Variants in TBC1D22B observed in about 807,000 individuals in gnomAD.
TBC1D22B encodes the protein chromosome 6 open reading frame 197.
TBC1D22B carries 32 observed loss-of-function variants against 69.1 expected under a neutral mutation model. The ratio of observed to expected loss-of-function variants is 0.46; its 90% CI spans 0.35 to 0.62. The LOEUF (loss-of-function observed/expected upper bound fraction) is 0.62. Among genes scored for constraint, TBC1D22B ranks in the 20% least tolerant of loss-of-function variants. The probability of loss-of-function intolerance (pLI) is 0.00; values close to 1 mark genes in which losing one functional copy is unlikely to be tolerated. For synonymous variants in TBC1D22B, 206 were observed against 229.8 expected (o/e 0.90, Z 0.94); for missense variants, 462 against 630.9 (o/e 0.73, Z 2.87).
intron 8 of TBC1D22B, among the ~76,000 whole-genome samples, chr6:37,312,247 A>T (rs926995105): frequency 6.6e-6 from 1 of 152,214 alleles, no homozygotes; most frequent in East Asian, 1.9e-4. Context: ...ATCTAATGCA[A>T]CATTTCTCAA....
rs568601969 is a variant in TBC1D22B at position 37,288,026 on chromosome 6, A to G, written c.867+954A>G. Among the ~76,000 whole-genome samples, 102 of 152,342 alleles carry G rather than the reference A, an allele frequency of 6.7e-4. 2 individuals carry two copies. The highest frequency in any genetic ancestry group is 5.6e-3 in the Admixed American group (85 of 15,304). On this transcript the variant is annotated intron_variant, in intron 7 of 12. Transcript: ENST00000373491. Reference sequence around the variant, plus strand: ...GATTAGGGATTTCCTTTGCAACTTTACAGTAGCCAGGACACTAAGTACTAG... The same window carrying G: ...GATTAGGGATTTCCTTTGCAACTTTGCAGTAGCCAGGACACTAAGTACTAG...
chr6:37,275,065 T>A (rs990977349), intron 2 of TBC1D22B, among the ~76,000 whole-genome samples: 2 of 148,980 alleles, frequency 1.3e-5, no homozygotes, highest in African/African-American at 2.5e-5. Context: ...ATAATAATAA[T>A]AAATAATCTT....
At chr6:37,269,050 A>G (rs964313879) in intron 1 of TBC1D22B, among the ~76,000 whole-genome samples, 2 of 152,166 alleles carry the variant, frequency 1.3e-5, no homozygotes, top group Non-Finnish European at 2.9e-5. Context: ...TTATCTTAAT[A>G]TGCATATTTG....
chr6:37,298,539 G>GTTTTTTTTTTTTTTTTTTTTT (rs34996865), intron 8 of TBC1D22B, among the ~76,000 whole-genome samples: 12 of 71,218 alleles, frequency 1.7e-4, no homozygotes, highest in African/African-American at 6.8e-4. Context: ...GTTGCCTACA[G>GTTTTTTTTTTTTTTTTTTTTT]TTTTTTTTTT....
intron 12 of TBC1D22B, among the ~76,000 whole-genome samples, chr6:37,319,334 G>C (rs1312282774): frequency 6.6e-6 from 1 of 152,212 alleles, no homozygotes; most frequent in African/African-American, 2.4e-5. Flanking sequence ...GGTTGAGGTG[G>C]AGCCGGATAG....
intron 8 of TBC1D22B, 69 bp from the exon 9 acceptor site, chr6:37,312,849 C>A: frequency 7.4e-7 from 1 of 1,353,974 alleles, no homozygotes; most frequent in Non-Finnish European, 1.1e-6. Flanking sequence ...ATTGAAGACA[C>A]TCGAATCTAT....
intron 8 of TBC1D22B, among the ~76,000 whole-genome samples, chr6:37,309,959 A>G (rs1767851120): frequency 6.8e-6 from 1 of 148,034 alleles, no homozygotes; most frequent in South Asian, 2.1e-4. Flanking sequence ...AAAATATAAT[A>G]TAAAACATAA....
chr6:37,297,662 G>T (rs1767424759), intron 8 of TBC1D22B, among the ~76,000 whole-genome samples: 1 of 151,860 alleles, frequency 6.6e-6, no homozygotes, highest in Non-Finnish European at 1.5e-5. Context: ...CTTTCTTATT[G>T]CTTATCTTTC....
At chr6:37,322,313 A>G (rs535897127) in intron 12 of TBC1D22B, among the ~76,000 whole-genome samples, 1 of 152,272 alleles carries the variant, frequency 6.6e-6, no homozygotes, top group Non-Finnish European at 1.5e-5. Context: ...CACGGCAGGC[A>G]GATCACCTGA....
intron 12 of TBC1D22B, among the ~76,000 whole-genome samples, chr6:37,330,355 C>T (rs930488398): frequency 6.6e-6 from 1 of 150,708 alleles, no homozygotes; most frequent in African/African-American, 2.4e-5. Flanking sequence ...TTTCCTGCCT[C>T]AGCCTCCCAA....
intron 1 of TBC1D22B, among the ~76,000 whole-genome samples, chr6:37,267,400 C>T (rs866682760): frequency 0.029 from 3,721 of 130,542 alleles, 217 homozygotes; most frequent in African/African-American, 0.12. Flanking sequence ...TATATACACA[C>T]ATATATAATA....
At chr6:37,262,527 A>G (rs1325599252) in intron 1 of TBC1D22B, among the ~76,000 whole-genome samples, 1 of 152,236 alleles carries the variant, frequency 6.6e-6, no homozygotes, top group African/African-American at 2.4e-5. Context: ...GTTGTTAGAA[A>G]GAGAGGCCAA....
At chr6:37,295,254 G>A (rs749190946) in intron 8 of TBC1D22B, among the ~76,000 whole-genome samples, 1 of 151,862 alleles carries the variant, frequency 6.6e-6, no homozygotes, top group South Asian at 2.1e-4. Context: ...ACAGGTGTGC[G>A]CCACCATACC....
At chr6:37,271,849 C>CTTTTTT (rs35838317) in intron 2 of TBC1D22B, among the ~76,000 whole-genome samples, 1 of 120,920 alleles carries the variant, frequency 8.3e-6, no homozygotes, top group Non-Finnish European at 1.7e-5. Context: ...AAGGTGCATG[C>CTTTTTT]TTTTTTTTTT....
At chr6:37,317,720 A>G (rs1418996268) in intron 12 of TBC1D22B, among the ~76,000 whole-genome samples, 6 of 152,196 alleles carry the variant, frequency 3.9e-5, no homozygotes, top group Admixed American at 2.0e-4. Flanking sequence ...ACAGGTTGCA[A>G]TTTCGAATAA....
At chr6:37,261,871 C>T (rs925848429) in intron 1 of TBC1D22B, among the ~76,000 whole-genome samples, 5 of 150,254 alleles carry the variant, frequency 3.3e-5, no homozygotes, top group Admixed American at 6.7e-5. Flanking sequence ...TCCGTCTCTA[C>T]TAAAAACACA....
intron 12 of TBC1D22B, among the ~76,000 whole-genome samples, chr6:37,321,880 G>T (rs111239892): frequency 9.2e-5 from 14 of 152,150 alleles, no homozygotes; most frequent in Non-Finnish European, 2.1e-4. Flanking sequence ...TTTTCATCTG[G>T]GTGGTGGTTA....
At chr6:37,275,143 G>A (rs369526682) in intron 2 of TBC1D22B, among the ~76,000 whole-genome samples, 5 of 152,278 alleles carry the variant, frequency 3.3e-5, no homozygotes, top group Admixed American at 1.3e-4. Flanking sequence ...CTGGGACTGT[G>A]TTTAAATGGA....
At chr6:37,260,298 GAA>G (rs1766041693) in intron 1 of TBC1D22B, among the ~76,000 whole-genome samples, 1 of 152,108 alleles carries the variant, frequency 6.6e-6, no homozygotes, top group Non-Finnish European at 1.5e-5. Flanking sequence ...TGCAAACTTG[GAA>G]ATGAAACTAG....
Sources: gnomAD v4.1 joint callset for allele counts (sites outside exome capture counted in the v4.1 genomes callset) on GRCh38, gnomAD v4.1.1 for gene constraint, MANE v1.5 for transcripts, NCBI Gene and HGNC (gene_info 2026-07-23, HGNC 2026-07-21) for gene names.